CDCP1: variants seen among roughly 807,000 people sequenced by gnomAD.
The protein encoded by CDCP1 is CUB domain containing protein 1.
Under a neutral mutation model 60.2 loss-of-function variants are expected in CDCP1, and 29 were observed. The observed-to-expected ratio is 0.48, with a 90% confidence interval of 0.36 to 0.66. CDCP1 has a LOEUF of 0.66. Among genes scored for constraint, CDCP1 ranks in the 30% least tolerant of loss-of-function variants. CDCP1 has a pLI of 0.00. For synonymous variants in CDCP1, 387 were observed against 431.1 expected, an observed-to-expected ratio of 0.90 and a Z score of 1.27; for missense variants, 876 against 1,074.3, an observed-to-expected ratio of 0.82 and a Z score of 2.58.
In CDCP1 at chr3:45,112,430, G is replaced by A; in HGVS notation, c.308C>T (p.Pro103Leu). The change falls in exon 3 of 9, where the codon CCA (proline) becomes CTA (leucine). Residue 103 changes from proline to leucine, a missense_variant. By Grantham distance (98) the Pro-to-Leu change is moderately conservative. Transcript: ENST00000296129. ...IQKNIDCMSGPCPFGEVQLQP... is the reference protein window; with the variant it reads ...IQKNIDCMSGLCPFGEVQLQP... ...AAGCTGAACCTCCCCAAAAGGACAT[G>A]GGCCTGACATACAGTCTGAAAAACA... is the stretch of plus-strand genomic sequence containing the variant. The A allele has an allele frequency of 6.2e-7, 1 of 1,613,548 alleles. No homozygotes were observed.
chr3:45,085,280 G>T lies in CDCP1; in HGVS notation c.*358C>A. On this transcript the variant is annotated 3_prime_UTR_variant, in exon 9 of 9. Transcript: ENST00000296129. This position sits in a 1 kb window ranked among gnomAD's most constrained non-coding sequence, Gnocchi z 4.2. Reference sequence around the variant, plus strand: ...GACCTCAGGTAGGCTCCTTGGAATTGGAACTGTTGTCCTGAAGAGGGCAAG... The same window carrying T: ...GACCTCAGGTAGGCTCCTTGGAATTTGAACTGTTGTCCTGAAGAGGGCAAG... The T allele has an allele frequency of 5.4e-6, 1 of 186,762 alleles. No individual in the cohort carries two copies. Among genetic ancestry groups the T allele is most frequent in the Non-Finnish European group, 1.1e-5 (1 of 90,068 alleles). 11.6% of individuals were successfully genotyped at this position (186,762 alleles called of 1,614,324 possible).
At chr3:45,141,157 T>C (rs139860125) in intron 1 of CDCP1, among the ~76,000 whole-genome samples, 41 of 151,934 alleles carry the variant, frequency 2.7e-4, no homozygotes, top group African/African-American at 8.2e-4. Context: ...GCCAAGATCA[T>C]GCCACTGCAT....
intron 4 of CDCP1, among the ~76,000 whole-genome samples, chr3:45,108,070 A>G (rs938262045): frequency 2.6e-5 from 4 of 151,972 alleles, no homozygotes; most frequent in Non-Finnish European, 5.9e-5. Flanking sequence ...GTGAGCTGAG[A>G]GCCGAGATCA....
intron 1 of CDCP1, among the ~76,000 whole-genome samples, chr3:45,119,887 T>C (rs1397166445): frequency 6.6e-6 from 1 of 152,232 alleles, no homozygotes. Context: ...CCTAGAAAAC[T>C]GTCAATGAGT....
Position 45,091,644 on chromosome 3 carries a change from C to T in CDCP1, c.1628-106G>A. The T allele has an allele frequency of 7.4e-7, 1 of 1,343,862 alleles. No homozygotes were observed. Among genetic ancestry groups the T allele is most frequent in the African/African-American group, 1.5e-5 (1 of 68,058 alleles). The allele number at this position is 1,343,862 out of a possible 1,614,324, so 83.2% of individuals were successfully genotyped here. A position where few individuals can be genotyped will look rare whatever the true frequency, so the allele number is the denominator to read the frequency against. On this transcript the variant is annotated intron_variant, in intron 6 of 8. Coordinates refer to ENST00000296129, the MANE Select transcript of CDCP1 (RefSeq NM_022842.5). The surrounding 1 kb of genome is among the most constrained non-coding windows in gnomAD (Gnocchi z 4.8). ...GTCCAACTGTCCAGACCAGCGCTGTCTAACCGAACTTTCTGCGATGATGGA... is the reference window on the plus strand; with the variant it reads ...GTCCAACTGTCCAGACCAGCGCTGTTTAACCGAACTTTCTGCGATGATGGA...
chr3:45,108,432 TGTTTATAGCAC>T (rs1456188329), intron 4 of CDCP1, among the ~76,000 whole-genome samples: 2 of 152,196 alleles, frequency 1.3e-5, no homozygotes, highest in Non-Finnish European at 2.9e-5. Flanking sequence ...TTCTTGATGC[TGTTTATAGCAC>T]GTTTAACAAT....
At chr3:45,141,756 A>T (rs573922161) in intron 1 of CDCP1, among the ~76,000 whole-genome samples, 25 of 152,298 alleles carry the variant, frequency 1.6e-4, no homozygotes, top group African/African-American at 6.0e-4. Context: ...GAAAATTACA[A>T]GGTTGTGGGA....
intron 1 of CDCP1, 151 bp from the exon 2 acceptor site, chr3:45,118,772 C>T: frequency 1.6e-6 from 1 of 623,964 alleles, no homozygotes; most frequent in Non-Finnish European, 2.8e-6. Context: ...TGCAAAATGA[C>T]AGTTCCGACC....
chr3:45,112,866 C>T (rs1698723972), intron 2 of CDCP1, among the ~76,000 whole-genome samples: 1 of 152,238 alleles, frequency 6.6e-6, no homozygotes, highest in Non-Finnish European at 1.5e-5. Context: ...GCTAAAACCG[C>T]ATCTGCATTC....
intron 8 of CDCP1, among the ~76,000 whole-genome samples, chr3:45,088,763 A>T (rs1044310507): frequency 3.3e-5 from 5 of 152,138 alleles, no homozygotes; most frequent in Admixed American, 6.5e-5. Context: ...CTGCTTGATC[A>T]ATCTACTGAG....
Position 45,096,512 on chromosome 3 carries a change from C to G in CDCP1, c.1025-944G>C, listed in dbSNP as rs564142884. Among the ~76,000 whole-genome samples, 67 of 147,448 alleles carry G rather than the reference C, an allele frequency of 4.5e-4. No homozygotes were observed. In the South Asian group the frequency reaches 0.015, roughly 32 times the overall value. On this transcript the variant is annotated intron_variant, in intron 4 of 8. Coordinates refer to ENST00000296129, the MANE Select transcript of CDCP1 (RefSeq NM_022842.5). ...TGGTGGTACATGCCTGTAATCCCAG[C>G]TACTTGGGAGGCTGAGACAGGAGAA... is the stretch of plus-strand genomic sequence containing the variant.
At chr3:45,133,175 A>G (rs534569338) in intron 1 of CDCP1, among the ~76,000 whole-genome samples, 1 of 152,224 alleles carries the variant, frequency 6.6e-6, no homozygotes, top group South Asian at 2.1e-4. Context: ...GCCAGCAAGG[A>G]AAGGGAGACA....
rs1022934937 is a variant in CDCP1 at position 45,124,216 on chromosome 3, A to G, written c.83-5595T>C. Among the ~76,000 whole-genome samples, 10 of 152,298 alleles carry G rather than the reference A, an allele frequency of 6.6e-5. No individual in the cohort carries two copies. In the East Asian group the frequency reaches 1.3e-3, roughly 21 times the overall value. On this transcript the variant is annotated intron_variant, in intron 1 of 8. Coordinates refer to ENST00000296129, the MANE Select transcript of CDCP1 (RefSeq NM_022842.5). ...TGCAATTCTCGATTCTAGTAAGGGA[A>G]ACTAATGTAGGGGAGGGAATTCCAG...
intron 4 of CDCP1, among the ~76,000 whole-genome samples, chr3:45,105,411 A>C (rs1020722787): frequency 6.6e-6 from 1 of 152,230 alleles, no homozygotes; most frequent in Non-Finnish European, 1.5e-5. Context: ...TGGAGGTTGT[A>C]AAAGCCAAAA....
intron 8 of CDCP1, 33 bp from the exon 9 acceptor site, chr3:45,086,100 G>A: frequency 6.3e-7 from 1 of 1,587,400 alleles, no homozygotes; most frequent in Non-Finnish European, 8.6e-7. Context: ...ACAGAAGTCA[G>A]AAAGGCAAGA....
chr3:45,110,810 A>G lies in CDCP1; in HGVS notation c.687T>C (p.Gly229=). ...RLCIIESVFE[G]EGSATLMSAN... is the part of the protein sequence containing the mutation. ...CAGACATCAGGGTTGCTGAGCCTTCACCCTCAAACACAGACTCGATGATGC... is the reference window on the plus strand; with the variant it reads ...CAGACATCAGGGTTGCTGAGCCTTCGCCCTCAAACACAGACTCGATGATGC... The change falls in exon 4 of 9, where the codon GGT becomes GGC. Residue 229 remains glycine, a synonymous_variant. Coordinates refer to ENST00000296129, the MANE Select transcript of CDCP1 (RefSeq NM_022842.5). 6.2e-7 allele frequency: 1 copy of G among 1,613,742 alleles called. No individual in the cohort carries two copies. The highest frequency in any genetic ancestry group is 1.3e-5 in the African/African-American group (1 of 74,980).
At chr3:45,101,471 C>T (rs1432915461) in intron 4 of CDCP1, among the ~76,000 whole-genome samples, 1 of 152,122 alleles carries the variant, frequency 6.6e-6, no homozygotes, top group Non-Finnish European at 1.5e-5. Context: ...TTGTGTGGGC[C>T]CTGGGACTGG....
intron 7 of CDCP1, among the ~76,000 whole-genome samples, chr3:45,089,653 C>G (rs1041106984): frequency 1.3e-5 from 2 of 152,198 alleles, no homozygotes; most frequent in African/African-American, 4.8e-5. Context: ...AATTCCTGAT[C>G]CATAAATCGT....
chr3:45,110,959 A>C, intron 3 of CDCP1, 118 bp from the exon 4 acceptor site: 2 of 1,133,946 alleles, frequency 1.8e-6, no homozygotes, highest in Non-Finnish European at 2.5e-6. Flanking sequence ...GATCCTGAGC[A>C]GTGGGTCTAG....
Sources: allele counts gnomAD v4.1 joint callset (sites outside exome capture counted in the v4.1 genomes callset), GRCh38; gene constraint gnomAD v4.1.1; non-coding constraint Gnocchi (gnomAD v3.1); transcripts MANE v1.5; gene names NCBI Gene and HGNC (gene_info 2026-07-23, HGNC 2026-07-21).